The following GALNT10 variants were observed in gnomAD, a reference collection of about 807,000 sequenced individuals.
GALNT10 encodes polypeptide N-acetylgalactosaminyltransferase 10, also known as GalNAc transferase 10.
A neutral mutation model predicts 75.0 loss-of-function variants in GALNT10; 41 were observed. The ratio of observed to expected loss-of-function variants is 0.55; its 90% CI spans 0.43 to 0.71. The LOEUF (loss-of-function observed/expected upper bound fraction) is 0.71, where lower values mean the gene tolerates loss of function less well. Among genes scored for constraint, GALNT10 ranks in the 30% least tolerant of loss-of-function variants. The pLI is 0.00. For synonymous variants in GALNT10, 302 were observed against 313.0 expected (o/e 0.96, Z 0.37); for missense variants, 727 against 818.5 (o/e 0.89, Z 1.36).
At chr5:154,288,090 G>A (rs1456033959) in intron 1 of GALNT10, among the ~76,000 whole-genome samples, 1 of 152,134 alleles carries the variant, frequency 6.6e-6, no homozygotes, top group Non-Finnish European at 1.5e-5. Context: ...GGAAGGTGGA[G>A]GGGAGCCATC....
At chr5:154,407,991 GC>G in intron 8 of GALNT10, among the ~76,000 whole-genome samples, 2 of 152,246 alleles carry the variant, frequency 1.3e-5, no homozygotes, top group East Asian at 3.9e-4. Flanking sequence ...TTTTTGTATG[GC>G]CTGTGACCTA....
intron 1 of GALNT10, among the ~76,000 whole-genome samples, chr5:154,288,612 G>A (rs1019931014): frequency 2.6e-5 from 4 of 152,078 alleles, no homozygotes; most frequent in Non-Finnish European, 4.4e-5. Context: ...TTCTTGCCAT[G>A]TTCCTTCCTA....
At chr5:154,344,759 ATGACTTCAGAG>A (rs1755094654) in intron 4 of GALNT10, among the ~76,000 whole-genome samples, 1 of 152,182 alleles carries the variant, frequency 6.6e-6, no homozygotes, top group Admixed American at 6.5e-5. Flanking sequence ...CCCAGGCAGC[ATGACTTCAGAG>A]TTCAGGGAAT....
chr5:154,217,308 C>T (rs1373909718), intron 1 of GALNT10, among the ~76,000 whole-genome samples: 1 of 152,204 alleles, frequency 6.6e-6, no homozygotes, highest in African/African-American at 2.4e-5. Flanking sequence ...GCCCATGGAG[C>T]TCCAGGATCT....
In GALNT10 at chr5:154,412,802, C is replaced by T; in HGVS notation, c.1387-87C>T. 1 of 874,808 alleles carries T rather than the reference C, an allele frequency of 1.1e-6. No individual in the cohort carries two copies. Among genetic ancestry groups the T allele is most frequent in the Non-Finnish European group, 2.0e-6 (1 of 512,272 alleles). The allele number at this position is 874,808 out of a possible 1,614,324, so 54.2% of individuals were successfully genotyped here. A position where few individuals can be genotyped will look rare whatever the true frequency, so the allele number is the denominator to read the frequency against. ...GAAGGTTAATCCAGCTAATGTCTCC[C>T]ACTTGGTTTCCCCTTTCACCTGGCA... On this transcript the variant is annotated intron_variant, in intron 9 of 11. Coordinates refer to ENST00000297107, the MANE Select transcript of GALNT10 (RefSeq NM_198321.4). The surrounding 1 kb of genome is among the most constrained non-coding windows in gnomAD (Gnocchi z 4.2).
chr5:154,331,303 A>G (rs1754860360), intron 4 of GALNT10, among the ~76,000 whole-genome samples: 1 of 152,152 alleles, frequency 6.6e-6, no homozygotes, highest in African/African-American at 2.4e-5. Flanking sequence ...TATGAGATTT[A>G]TCTGTGTCCA....
At chr5:154,264,701 A>G (rs1474231322) in intron 1 of GALNT10, among the ~76,000 whole-genome samples, 1 of 152,244 alleles carries the variant, frequency 6.6e-6, no homozygotes, top group East Asian at 1.9e-4. Context: ...TAGAATACCA[A>G]GAGACAGAGA....
intron 3 of GALNT10, among the ~76,000 whole-genome samples, chr5:154,327,655 T>C (rs574075676): frequency 1.7e-4 from 26 of 152,350 alleles, no homozygotes; most frequent in Non-Finnish European, 2.9e-4. Flanking sequence ...TAAAGACTTG[T>C]AAAGAATCAA....
At chr5:154,229,712 G>A (rs1167019925) in intron 1 of GALNT10, among the ~76,000 whole-genome samples, 3 of 151,864 alleles carry the variant, frequency 2.0e-5, no homozygotes, top group Non-Finnish European at 4.4e-5. Flanking sequence ...CAGCCTGGGC[G>A]ACAGAGTGAG....
At chr5:154,354,357 T>C (rs1159707664) in intron 4 of GALNT10, among the ~76,000 whole-genome samples, 3 of 152,128 alleles carry the variant, frequency 2.0e-5, no homozygotes, top group Non-Finnish European at 4.4e-5. Flanking sequence ...CTTCAAGGGG[T>C]GATGACTGCA....
chr5:154,269,602 G>A (rs575368771), intron 1 of GALNT10, among the ~76,000 whole-genome samples: 172 of 152,322 alleles, frequency 1.1e-3, no homozygotes, highest in African/African-American at 4.0e-3. Flanking sequence ...CCAGCTGGAC[G>A]TGGCTGGGGC....
Position 154,376,275 on chromosome 5 carries a change from A to G in GALNT10, c.569-2A>G. ...ACTCTTCTGTCCTCTTCTGTCTCAT[A>G]GAGCACCTGAAGAAGCCTCTTGAAG... On this transcript the variant is annotated splice_acceptor_variant, in intron 4 of 11. Coordinates refer to ENST00000297107, the MANE Select transcript of GALNT10 (RefSeq NM_198321.4). LOFTEE classifies it high-confidence loss of function. The surrounding 1 kb of genome is among the most constrained non-coding windows in gnomAD (Gnocchi z 4.1). The G allele has an allele frequency of 6.3e-7, 1 of 1,598,698 alleles. No individual in the cohort carries two copies. Among genetic ancestry groups the G allele is most frequent in the Non-Finnish European group, 8.6e-7 (1 of 1,167,424 alleles).
chr5:154,258,405 T>C (rs1753648028), intron 1 of GALNT10, among the ~76,000 whole-genome samples: 1 of 152,176 alleles, frequency 6.6e-6, no homozygotes, highest in African/African-American at 2.4e-5. Flanking sequence ...ATGAATAACA[T>C]TAAAATCCAC....
rs187964866 is a variant in GALNT10 at position 154,413,923 on chromosome 5, T to C, written c.1503+918T>C. On this transcript the variant is annotated intron_variant, in intron 10 of 11. Coordinates refer to ENST00000297107, the MANE Select transcript of GALNT10 (RefSeq NM_198321.4). The stretch of plus-strand genomic sequence containing the variant: ...ATAAAGGACTTGTATCTAGAATATA[T>C]AAATGAAAGGACTTGTATCCTCTCA... Among the ~76,000 whole-genome samples, 5 of 152,298 alleles carry C rather than the reference T, an allele frequency of 3.3e-5. No homozygotes were observed. In the East Asian group the frequency reaches 9.6e-4, roughly 29 times the overall value.
rs145946048 is a variant in GALNT10 at position 154,351,102 on chromosome 5, G to A, written c.568+21364G>A. ...TATGTATGTATGTATGAAAATAATA[G>A]CTACACTGATTGAATTTGTATAATG... On this transcript the variant is annotated intron_variant, in intron 4 of 11. Transcript: ENST00000297107. Among the ~76,000 whole-genome samples, 34 of 152,336 alleles carry A rather than the reference G, an allele frequency of 2.2e-4. No individual in the cohort carries two copies. In the East Asian group the frequency reaches 6.5e-3, roughly 29 times the overall value.
In GALNT10 at chr5:154,218,064, G is replaced by A. The variant is rs1018639230; in HGVS notation, c.159+27039G>A. ...CACCCCAGCCTGGGCACTGCTGTTC[G>A]ACTGAGACCAGGATTATTCCCACCG... is the stretch of plus-strand genomic sequence containing the variant. On this transcript the variant is annotated intron_variant, in intron 1 of 11. Transcript: ENST00000297107. 7.1e-6 allele frequency: 7 copies of A among 984,866 alleles called. No individual in the cohort carries two copies. In the East Asian group the frequency reaches 3.4e-4, roughly 48 times the overall value. 61.0% of individuals were successfully genotyped at this position (984,866 alleles called of 1,614,324 possible).
chr5:154,346,958 C>T (rs1341548038), intron 4 of GALNT10: 1 of 266,818 alleles, frequency 3.7e-6, no homozygotes, highest in Non-Finnish European at 7.4e-6. Context: ...AACCTTGATA[C>T]CATCATATTC....
At chr5:154,323,119 C>T (rs571605254) in intron 3 of GALNT10, among the ~76,000 whole-genome samples, 5 of 152,210 alleles carry the variant, frequency 3.3e-5, no homozygotes, top group Non-Finnish European at 5.9e-5. Flanking sequence ...TTTTCTGTAA[C>T]GGGCCAGATA....
chr5:154,243,253 G>A (rs902508510), intron 1 of GALNT10, among the ~76,000 whole-genome samples: 1 of 152,134 alleles, frequency 6.6e-6, no homozygotes, highest in Non-Finnish European at 1.5e-5. Context: ...ATCCTCCCTC[G>A]GGAACAGGGA....
Sources: allele counts gnomAD v4.1 joint callset (sites outside exome capture counted in the v4.1 genomes callset), GRCh38; gene constraint gnomAD v4.1.1; non-coding constraint Gnocchi (gnomAD v3.1); transcripts MANE v1.5; gene names NCBI Gene and HGNC (gene_info 2026-07-23, HGNC 2026-07-21).